Variants in DOCK9 observed in about 807,000 individuals in gnomAD.
The protein encoded by DOCK9 is dedicator of cytokinesis 9.
DOCK9 carries 89 observed loss-of-function variants against 263.3 expected under a neutral mutation model. That is an observed-to-expected ratio of 0.34 (90% CI 0.28 to 0.40). DOCK9 has a LOEUF of 0.40. Ranked by LOEUF, DOCK9 falls within the 10% of genes least tolerant of loss-of-function variation. The probability of loss-of-function intolerance (pLI) is 1.00; values close to 1 mark genes in which losing one functional copy is unlikely to be tolerated. For missense variants in DOCK9, 2,140 were observed against 2,603.4 expected (o/e 0.82, Z 3.87); for synonymous variants, 976 against 973.1 (o/e 1.00, Z -0.06).
intron 11 of DOCK9, 22 bp downstream of exon 11, chr13:98,902,950 T>C: frequency 6.7e-7 from 1 of 1,493,070 alleles, no homozygotes; most frequent in Non-Finnish European, 8.9e-7. Context: ...TTTTAATGTT[T>C]ATTTTTAAAA....
intron 2 of DOCK9, among the ~76,000 whole-genome samples, chr13:98,932,871 T>C (rs1457980019): frequency 4.6e-5 from 7 of 152,222 alleles, no homozygotes; most frequent in African/African-American, 1.4e-4. Context: ...CTGACTTCTT[T>C]GTAAGTATTA....
At chr13:98,905,451 G>C (rs934849025) in intron 9 of DOCK9, among the ~76,000 whole-genome samples, 1 of 152,194 alleles carries the variant, frequency 6.6e-6, no homozygotes, top group African/African-American at 2.4e-5. Flanking sequence ...CCAAGGGAAG[G>C]CCCATTTGGA....
At chr13:98,998,675 G>A (rs1881602994) in intron 1 of DOCK9, among the ~76,000 whole-genome samples, 1 of 152,108 alleles carries the variant, frequency 6.6e-6, no homozygotes, top group African/African-American at 2.4e-5. Flanking sequence ...ATTCTCAAAT[G>A]GGGCTGAGAT....
intron 45 of DOCK9, among the ~76,000 whole-genome samples, chr13:98,814,261 C>G (rs772309): frequency 6.6e-6 from 1 of 151,988 alleles, no homozygotes; most frequent in Non-Finnish European, 1.5e-5. Context: ...ATCAGTTTTG[C>G]CTGCTTTTAT....
intron 2 of DOCK9, among the ~76,000 whole-genome samples, chr13:98,950,746 G>A (rs983744986): frequency 2.0e-5 from 3 of 152,170 alleles, no homozygotes; most frequent in African/African-American, 7.2e-5. Flanking sequence ...CTCATATACT[G>A]TCACTTTACA....
intron 15 of DOCK9, among the ~76,000 whole-genome samples, chr13:98,888,939 TA>T (rs1204994650): frequency 6.6e-6 from 1 of 152,136 alleles, no homozygotes; most frequent in African/African-American, 2.4e-5. Context: ...TTAATCAGTA[TA>T]AAAAATGTGT....
rs1023527747 is a variant in DOCK9, at chr13:98,825,621, A to C, written c.5024-1117T>G. Among the ~76,000 whole-genome samples, 5 of 152,188 alleles carry C rather than the reference A, an allele frequency of 3.3e-5. No individual in the cohort carries two copies. Among genetic ancestry groups the C allele is most frequent in the Admixed American group, 3.3e-4 (5 of 15,290 alleles). The stretch of plus-strand genomic sequence containing the variant: ...ACAAACTGTAAAATTAAAAAAACCA[A>C]CCACCCATGCTCTAGGCTATATAGT... On this transcript the variant is annotated intron_variant, in intron 44 of 52. Coordinates refer to ENST00000682017, the MANE Select transcript of DOCK9 (RefSeq NM_001366683.2). The surrounding 1 kb of genome is among the most constrained non-coding windows in gnomAD (Gnocchi z 4.1).
intron 1 of DOCK9, among the ~76,000 whole-genome samples, chr13:98,998,992 C>T (rs1881673428): frequency 6.6e-6 from 1 of 152,148 alleles, no homozygotes; most frequent in Admixed American, 6.5e-5. Context: ...CACACTTTTG[C>T]TACGTGAATC....
chr13:98,961,955 G>A (rs55681004), intron 1 of DOCK9, among the ~76,000 whole-genome samples: 36,597 of 152,150 alleles, frequency 0.24, 4,480 homozygotes, highest in Middle Eastern at 0.35. Flanking sequence ...TGCACAAACT[G>A]AGAATGCCCC....
chr13:98,886,751 A>G, intron 18 of DOCK9, 127 bp from the exon 19 acceptor site: 6 of 834,844 alleles, frequency 7.2e-6, no homozygotes, highest in Non-Finnish European at 1.1e-5. Context: ...GATGGGCCCC[A>G]GGCCTGTGAG....
At chr13:98,864,903 C>A (rs546188252) in intron 30 of DOCK9, among the ~76,000 whole-genome samples, 2 of 152,122 alleles carry the variant, frequency 1.3e-5, no homozygotes, top group Admixed American at 6.5e-5. Flanking sequence ...TGGCGCCTCA[C>A]TCCTCGTCTC....
At chr13:98,913,780 A>T (rs1342741302) in intron 9 of DOCK9, among the ~76,000 whole-genome samples, 1 of 152,232 alleles carries the variant, frequency 6.6e-6, no homozygotes, top group Non-Finnish European at 1.5e-5. Context: ...TAATCTGGGA[A>T]GTAGCAGTAT....
chr13:98,844,223 GTCAC>G lies in DOCK9; in HGVS notation c.4198+1697_4198+1700del, dbSNP rs1266648105. Among the ~76,000 whole-genome samples, 4 of 152,310 alleles carry G rather than the reference GTCAC, an allele frequency of 2.6e-5. No homozygotes were observed. The East Asian group carries it at 7.7e-4, about 29-fold the overall frequency. On this transcript the variant is annotated intron_variant, in intron 38 of 52. Transcript: ENST00000682017. ...AATCAAGTACTGTAGCCTTAAAGGT[GTCAC>G]TCAATTTGCATTCTACAGCTAAGTG...
At chr13:98,798,183 GGAA>G (rs1320591722) in intron 50 of DOCK9, among the ~76,000 whole-genome samples, 1 of 152,214 alleles carries the variant, frequency 6.6e-6, no homozygotes, top group Non-Finnish European at 1.5e-5. Context: ...CACTGGGATG[GGAA>G]GAAGAATGTT....
At chr13:99,084,392 C>A (rs1457289148) in intron 1 of DOCK9, among the ~76,000 whole-genome samples, 1 of 152,248 alleles carries the variant, frequency 6.6e-6, no homozygotes, top group Non-Finnish European at 1.5e-5. Context: ...TGTTCCATCA[C>A]AGGTTTCATC....
chr13:98,867,114 T>G (rs1482550376), intron 30 of DOCK9: 1 of 466,488 alleles, frequency 2.1e-6, no homozygotes, highest in Non-Finnish European at 4.2e-6. Context: ...AGCTAATTCA[T>G]AAGAAAAAAG....
intron 1 of DOCK9, among the ~76,000 whole-genome samples, chr13:99,062,256 T>C (rs11069344): frequency 0.11 from 16,620 of 152,198 alleles, 1,317 homozygotes; most frequent in East Asian, 0.24. Flanking sequence ...TCAGTAGGAA[T>C]TGTGCCATCT....
At chr13:98,878,440 C>T (rs1460470912) in intron 27 of DOCK9, among the ~76,000 whole-genome samples, 4 of 152,184 alleles carry the variant, frequency 2.6e-5, no homozygotes, top group Non-Finnish European at 5.9e-5. Context: ...CTCTGGTAAC[C>T]ACCAATCTAT....
chr13:99,011,105 C>A (rs1457728547), intron 1 of DOCK9, among the ~76,000 whole-genome samples: 1 of 151,922 alleles, frequency 6.6e-6, no homozygotes, highest in Non-Finnish European at 1.5e-5. Flanking sequence ...CCGTGTTGGT[C>A]AAGCTGGTCT....
Sources: allele counts gnomAD v4.1 joint callset (sites outside exome capture counted in the v4.1 genomes callset), GRCh38; gene constraint gnomAD v4.1.1; non-coding constraint Gnocchi (gnomAD v3.1); transcripts MANE v1.5; gene names NCBI Gene and HGNC (gene_info 2026-07-23, HGNC 2026-07-21).